The following MYOM3 variants were observed in gnomAD, a reference collection of about 807,000 sequenced individuals.
The protein encoded by MYOM3 is myomesin 3.
In MYOM3, 155 loss-of-function variants were observed where a neutral mutation model predicts 191.7. That is an observed-to-expected ratio of 0.81 (90% CI 0.71 to 0.92). MYOM3 has a LOEUF of 0.92. Among genes scored for constraint, MYOM3 ranks in the 40% least tolerant of loss-of-function variants. MYOM3 has a pLI of 0.00. For missense variants in MYOM3, 1,889 were observed against 1,890.6 expected, an observed-to-expected ratio of 1.00 and a Z score of 0.02; for synonymous variants, 757 against 762.9, an observed-to-expected ratio of 0.99 and a Z score of 0.13.
At chr1:24,059,270 G>A (rs1180872209) in intron 35 of MYOM3, among the ~76,000 whole-genome samples, 7 of 152,128 alleles carry the variant, frequency 4.6e-5, no homozygotes, top group Non-Finnish European at 1.0e-4. Flanking sequence ...GAGCAGCTGG[G>A]ACTATAGGCA....
In MYOM3 at chr1:24,087,047, C is replaced by T. The variant is rs1455006947; in HGVS notation, c.1615-220G>A. ...GTCCAGCCTGTCCACAACGCGGCTC[C>T]AGAGCTTCCCACACCTGCATTGCAC... is the stretch of plus-strand genomic sequence containing the variant. On this transcript the variant is annotated intron_variant, in intron 14 of 36. Transcript: ENST00000374434. The surrounding 1 kb of genome is among the most constrained non-coding windows in gnomAD (Gnocchi z 4.5). Among the ~76,000 whole-genome samples the T allele has an allele frequency of 1.3e-5, 2 of 152,182 alleles. No individual in the cohort carries two copies. The highest frequency in any genetic ancestry group is 2.9e-5 in the Non-Finnish European group (2 of 68,036).
chr1:24,095,976 C>T (rs1319672855), intron 7 of MYOM3, among the ~76,000 whole-genome samples: 4 of 152,114 alleles, frequency 2.6e-5, no homozygotes, highest in Non-Finnish European at 4.4e-5. Context: ...ACACAGTGCT[C>T]GCCCCATGCT....
rs760274173 is a variant in MYOM3, at chr1:24,082,608, C to T, written c.2077G>A (p.Val693Ile). The change falls in exon 17 of 37, where the codon GTC (valine) becomes ATC (isoleucine). Residue 693 changes from valine (V) to isoleucine (I), a missense_variant. Coordinates refer to ENST00000374434, the MANE Select transcript of MYOM3 (RefSeq NM_152372.4). ...TTGGACTCACCCAGAGCCTGCTTGA[C>T]CCTGATGGGCTCGGTGGCGGCTGAG... ...ESSAATEPIR[V>I]KQALATPSAP... 22 of 1,608,746 alleles carry T rather than the reference C, an allele frequency of 1.4e-5. No individual in the cohort carries two copies. The highest frequency in any genetic ancestry group is 1.9e-5 in the Non-Finnish European group (22 of 1,178,038).
In MYOM3 at chr1:24,064,148, C is replaced by A. The variant is rs1187253364; in HGVS notation, c.3546G>T (p.Lys1182Asn). ...CCATCGCTCTGTAAATTCCCTTGTCCTTTTTGGACAACTGGAAAGAAGGAT... is the reference window on the plus strand; with the variant it reads ...CCATCGCTCTGTAAATTCCCTTGTCATTTTTGGACAACTGGAAAGAAGGAT... ...GLLCIEELSKKDKGIYRAMVS... is the reference protein window; with the variant it reads ...GLLCIEELSKNDKGIYRAMVS... The change falls in exon 30 of 37, where the codon AAG becomes AAT. Residue 1182 changes from lysine (K) to asparagine (N), a missense_variant. Lys to Asn is a moderately conservative substitution (Grantham distance 94, BLOSUM62 0). Transcript: ENST00000374434. 3 of 1,613,590 alleles carry A rather than the reference C, an allele frequency of 1.9e-6. No homozygotes were observed. Among genetic ancestry groups the A allele is most frequent in the Non-Finnish European group, 2.5e-6 (3 of 1,179,880 alleles).
At chr1:24,112,008 C>G (rs540219521) in intron 1 of MYOM3, 23 bp downstream of exon 1, 3 of 152,410 alleles carry the variant, frequency 2.0e-5, no homozygotes, top group African/African-American at 7.2e-5. Context: ...CCTCCCCCAC[C>G]CTGATTTCTG....
chr1:24,097,941 C>G lies in MYOM3; in HGVS notation c.727G>C (p.Ala243Pro), dbSNP rs371522520. Reference sequence around the variant, plus strand: ...GACTTACTGCGGACGAGGACTTTGGCGAAGGAGGAGGCCTGGCCGTGGGCG... The same window carrying G: ...GACTTACTGCGGACGAGGACTTTGGGGAAGGAGGAGGCCTGGCCGTGGGCG... ...KNAHGQASSF[A>P]KVLVRTYLGK... Residue 243 changes from alanine (A) to proline (P), a missense_variant, in exon 7 of 37, where the codon GCC becomes CCC. Coordinates refer to ENST00000374434, the MANE Select transcript of MYOM3 (RefSeq NM_152372.4). 2 of 1,613,216 alleles carry G rather than the reference C, an allele frequency of 1.2e-6. No homozygotes were observed. The highest frequency in any genetic ancestry group is 2.2e-5 in the South Asian group (2 of 91,082).
chr1:24,076,973 C>T (rs571544792), intron 20 of MYOM3, among the ~76,000 whole-genome samples: 2 of 152,184 alleles, frequency 1.3e-5, no homozygotes, highest in African/African-American at 2.4e-5. Flanking sequence ...AGGCACCCAC[C>T]ACCATGCCCG....
At chr1:24,108,101 G>A in intron 2 of MYOM3, 28 bp from the exon 3 acceptor site, 1 of 1,606,082 alleles carries the variant, frequency 6.2e-7, no homozygotes, top group African/African-American at 1.3e-5. Context: ...GGAGTAAATG[G>A]CTCTTGCAGG....
chr1:24,095,316 A>T (rs1187416194), intron 8 of MYOM3, 126 bp downstream of exon 8: 1 of 960,878 alleles, frequency 1.0e-6, no homozygotes, highest in Non-Finnish European at 1.6e-6. Flanking sequence ...ACCAGCTCAT[A>T]GACAAACCCC....
At chr1:24,058,902 G>A (rs1643334460) in intron 36 of MYOM3, 22 bp downstream of exon 36, 2 of 1,587,476 alleles carry the variant, frequency 1.3e-6, no homozygotes, top group Admixed American at 1.7e-5. Flanking sequence ...ACTGCTGGCT[G>A]TGGGCTGGGA....
intron 35 of MYOM3, among the ~76,000 whole-genome samples, chr1:24,059,734 G>A (rs555470353): frequency 2.0e-5 from 3 of 152,350 alleles, no homozygotes; most frequent in East Asian, 3.9e-4. Flanking sequence ...CTGGTCAAGC[G>A]AGGGACCTGG....
rs542274482 is a variant in MYOM3, at chr1:24,063,242, G to A, written c.3662-8C>T. 38 of 1,608,900 alleles carry A rather than the reference G, an allele frequency of 2.4e-5. No homozygotes were observed. In the East Asian group the frequency reaches 8.3e-4, roughly 35 times the overall value. ...GTGGAGTTGCAGAGAGGGCTGGGGA[G>A]ACAGAGGAGAAGGATGAATCTTCCC... is the stretch of plus-strand genomic sequence containing the variant. On this transcript the variant is annotated splice_polypyrimidine_tract_variant and splice_region_variant and intron_variant, in intron 31 of 36. Transcript: ENST00000374434. The surrounding 1 kb of genome is among the most constrained non-coding windows in gnomAD (Gnocchi z 4.5).
intron 6 of MYOM3, among the ~76,000 whole-genome samples, chr1:24,098,879 T>C (rs1256203771): frequency 6.6e-6 from 1 of 152,128 alleles, no homozygotes; most frequent in Non-Finnish European, 1.5e-5. Flanking sequence ...ACAACCCAGA[T>C]AGAGAGAAAT....
chr1:24,082,094 G>A lies in MYOM3; in HGVS notation c.2187C>T (p.Gly729=), dbSNP rs1438364693. ...GWKPPKRRGG[G]KILGYFLDQH... is the part of the protein sequence containing the mutation. ...GGTCCAGGAAGTAGCCCAGGATCTT[G>A]CCACCTCCACGACGCTTGGGGGGTT... The change falls in exon 18 of 37, where the codon GGC becomes GGT. Residue 729 remains glycine (G), a synonymous_variant. Coordinates refer to ENST00000374434, the MANE Select transcript of MYOM3 (RefSeq NM_152372.4). 1.2e-6 allele frequency: 2 copies of A among 1,612,932 alleles called. No homozygotes were observed. The highest frequency in any genetic ancestry group is 1.1e-5 in the South Asian group (1 of 90,946).
At chr1:24,067,275 T>TCTTC (rs1396045159) in intron 27 of MYOM3, among the ~76,000 whole-genome samples, 187 bp from the exon 28 acceptor site, 9 of 139,728 alleles carry the variant, frequency 6.4e-5, no homozygotes, top group Admixed American at 1.4e-4. Flanking sequence ...TTTCTTTCTT[T>TCTTC]CTTCCTTCCT....
chr1:24,064,470 T>G (rs1643411080), intron 29 of MYOM3, among the ~76,000 whole-genome samples: 1 of 152,132 alleles, frequency 6.6e-6, no homozygotes, highest in Non-Finnish European at 1.5e-5. Context: ...GAGCATGACA[T>G]GACACAGTGA....
Position 24,056,590 on chromosome 1 carries a change from A to C in MYOM3, c.*774T>G, listed in dbSNP as rs1643304128. The stretch of plus-strand genomic sequence containing the variant: ...CGTCATGTTGGCCAGGCTGGTCTAA[A>C]ACTCCTGACCTCAGGTGATCTGCCC... On this transcript the variant is annotated 3_prime_UTR_variant, in exon 37 of 37. Coordinates refer to ENST00000374434, the MANE Select transcript of MYOM3 (RefSeq NM_152372.4). 1 of 152,154 alleles carries C rather than the reference A, an allele frequency of 6.6e-6. No homozygotes were observed. The highest frequency in any genetic ancestry group is 2.1e-4 in the South Asian group (1 of 4,826). 9.4% of individuals were successfully genotyped at this position (152,154 alleles called of 1,614,324 possible).
At chr1:24,064,369 C>T (rs755065064) in intron 29 of MYOM3, 16 of 530,060 alleles carry the variant, frequency 3.0e-5, no homozygotes, top group African/African-American at 5.9e-5. Flanking sequence ...ATTCCTAGCT[C>T]GGGGCTTGTC....
chr1:24,090,523 C>A (rs1363585957), intron 12 of MYOM3, among the ~76,000 whole-genome samples: 1 of 152,188 alleles, frequency 6.6e-6, no homozygotes, highest in Non-Finnish European at 1.5e-5. Flanking sequence ...CTGGTCTCTC[C>A]CATGGACAGG....
Sources: allele counts gnomAD v4.1 joint callset (sites outside exome capture counted in the v4.1 genomes callset), GRCh38; gene constraint gnomAD v4.1.1; non-coding constraint Gnocchi (gnomAD v3.1); transcripts MANE v1.5; gene names NCBI Gene and HGNC (gene_info 2026-07-23, HGNC 2026-07-21).